The following MMP26 variants were observed in gnomAD, a reference collection of about 807,000 sequenced individuals.
MMP26 encodes matrix metalloproteinase-26.
Under a neutral mutation model 31.0 loss-of-function variants are expected in MMP26, and 33 were observed. That is an observed-to-expected ratio of 1.06 (90% CI 0.81 to 1.42). The LOEUF is 1.42. Ranked by LOEUF, MMP26 falls within the 40% of genes most tolerant of loss-of-function variation. MMP26 has a pLI of 0.00. For synonymous variants in MMP26, 122 were observed against 114.9 expected (o/e 1.06, Z -0.40); for missense variants, 347 against 316.1 (o/e 1.10, Z -0.74).
At chr11:4,986,574 A>G (rs1004823686) in intron 2 of MMP26, among the ~76,000 whole-genome samples, 4 of 119,332 alleles carry the variant, frequency 3.4e-5, no homozygotes, top group African/African-American at 1.3e-4. Context: ...TCTGTTTCCC[A>G]GGCTGGAGTG....
intron 2 of MMP26, chr11:4,821,527 C>A (rs1474730578): frequency 6.2e-7 from 1 of 1,611,674 alleles, no homozygotes; most frequent in Admixed American, 1.7e-5. Context: ...TTTTTGTCTC[C>A]TATATGTTGT....
chr11:4,883,013 T>C (rs2133540578), intron 2 of MMP26: 1 of 679,758 alleles, frequency 1.5e-6, no homozygotes, highest in Admixed American at 2.9e-5. Flanking sequence ...GACAGTAATT[T>C]TCCCCTGAGC....
chr11:4,707,528 G>A (rs947556355), intron 1 of MMP26, among the ~76,000 whole-genome samples: 2 of 152,176 alleles, frequency 1.3e-5, no homozygotes, highest in Admixed American at 1.3e-4. Context: ...AATAAAGAGT[G>A]TATGACCTTG....
At chr11:4,805,304 G>C (rs1379043322) in intron 2 of MMP26, among the ~76,000 whole-genome samples, 1 of 152,184 alleles carries the variant, frequency 6.6e-6, no homozygotes, top group Non-Finnish European at 1.5e-5. Flanking sequence ...ATTATCTTTA[G>C]TGTAGGTTTC....
chr11:4,764,879 G>GAC (rs60775849), intron 1 of MMP26, among the ~76,000 whole-genome samples: 1,820 of 150,358 alleles, frequency 0.012, 22 homozygotes, highest in South Asian at 0.042. Flanking sequence ...CTCCATCACA[G>GAC]ACACACACAC....
intron 2 of MMP26, among the ~76,000 whole-genome samples, chr11:4,898,233 A>G (rs952784996): frequency 3.3e-5 from 5 of 152,106 alleles, no homozygotes; most frequent in Non-Finnish European, 7.4e-5. Context: ...CTTTCAAAAG[A>G]TAATTCTATT....
chr11:4,861,710 A>T (rs1489991980), intron 2 of MMP26, among the ~76,000 whole-genome samples: 1 of 152,140 alleles, frequency 6.6e-6, no homozygotes, highest in Non-Finnish European at 1.5e-5. Context: ...ATAAAGTATA[A>T]TATAATACTT....
At chr11:4,907,571 G>A in intron 2 of MMP26, 1 of 1,613,946 alleles carries the variant, frequency 6.2e-7, no homozygotes, top group South Asian at 1.1e-5. Flanking sequence ...CATGTTGGCT[G>A]TCTCTGACAT....
chr11:4,987,845 A>T (rs1217631509), intron 2 of MMP26, among the ~76,000 whole-genome samples: 1 of 152,108 alleles, frequency 6.6e-6, no homozygotes, highest in Non-Finnish European at 1.5e-5. Context: ...ACTGGTAATT[A>T]TTCTATAGAT....
chr11:4,918,225 T>C (rs77915920), intron 2 of MMP26, among the ~76,000 whole-genome samples: 2,471 of 152,198 alleles, frequency 0.016, 75 homozygotes, highest in African/African-American at 0.056. Context: ...CTCTATAGCT[T>C]CAAGGCACAT....
intron 1 of MMP26, chr11:4,751,921 G>A (rs1434344224): frequency 6.6e-6 from 1 of 152,106 alleles, no homozygotes; most frequent in East Asian, 1.9e-4. Context: ...CATTTGAATT[G>A]GATGGCATTT....
At chr11:4,865,735 G>A (rs779351540) in intron 2 of MMP26, among the ~76,000 whole-genome samples, 2 of 151,984 alleles carry the variant, frequency 1.3e-5, no homozygotes, top group African/African-American at 2.4e-5. Context: ...ATGCAGACTC[G>A]ACTTCAAGTG....
intron 2 of MMP26, among the ~76,000 whole-genome samples, chr11:4,809,473 C>T (rs946350793): frequency 2.0e-5 from 3 of 152,182 alleles, no homozygotes; most frequent in African/African-American, 4.8e-5. Context: ...TGATCTCACC[C>T]ATTATGTGAG....
At chr11:4,976,007 T>A (rs996488525) in intron 2 of MMP26, among the ~76,000 whole-genome samples, 36 of 152,016 alleles carry the variant, frequency 2.4e-4, no homozygotes, top group African/African-American at 8.2e-4. Flanking sequence ...TGAGGAAAAG[T>A]AGGGTATAAA....
At chr11:4,760,330 T>C (rs1485534822) in intron 1 of MMP26, among the ~76,000 whole-genome samples, 1 of 152,208 alleles carries the variant, frequency 6.6e-6, no homozygotes, top group East Asian at 1.9e-4. Flanking sequence ...TCCTTTATTA[T>C]ATATTTTCTG....
chr11:4,846,949 GGCTGC>G (rs1849879597), intron 2 of MMP26, among the ~76,000 whole-genome samples: 1 of 152,130 alleles, frequency 6.6e-6, no homozygotes, highest in Non-Finnish European at 1.5e-5. Flanking sequence ...TCTTCATCTA[GGCTGC>G]TTTGACTTGC....
rs1846971931 is a variant in MMP26, at chr11:4,989,935, C to G, written c.320+67C>G. 3 of 1,308,070 alleles carry G rather than the reference C, an allele frequency of 2.3e-6. No individual in the cohort carries two copies. In the Admixed American group the frequency reaches 5.6e-5, roughly 24 times the overall value. 81.0% of individuals were successfully genotyped at this position (1,308,070 alleles called of 1,614,324 possible). A position where few individuals can be genotyped will look rare whatever the true frequency, so the allele number is the denominator to read the frequency against. On this transcript the variant is annotated intron_variant, in intron 4 of 7. Transcript: ENST00000380390. ...GACCTCAAAGGGCTTTCTACCAGGT[C>G]TCTCCTGGAGGTACCTCTACTCTCT...
chr11:4,991,634 G>C (rs990285667), intron 6 of MMP26, 138 bp downstream of exon 6: 1 of 1,063,026 alleles, frequency 9.4e-7, no homozygotes, highest in African/African-American at 1.6e-5. Context: ...CTTTATAAGT[G>C]AGGAGATGTG....
intron 2 of MMP26, among the ~76,000 whole-genome samples, chr11:4,901,060 A>G (rs768318093): frequency 1.3e-5 from 2 of 151,052 alleles, no homozygotes; most frequent in Non-Finnish European, 2.9e-5. Flanking sequence ...GGGATCATCC[A>G]CGTAGCTACA....
Sources: gnomAD v4.1 joint callset for allele counts (sites outside exome capture counted in the v4.1 genomes callset) on GRCh38, gnomAD v4.1.1 for gene constraint, MANE v1.5 for transcripts, NCBI Gene and HGNC (gene_info 2026-07-23, HGNC 2026-07-21) for gene names.